TOX: variants seen among roughly 807,000 people sequenced by gnomAD.
TOX encodes the protein thymocyte selection-associated high mobility group box protein TOX.
TOX carries 11 observed loss-of-function variants against 53.7 expected under a neutral mutation model. That is an observed-to-expected ratio of 0.20 (90% CI 0.13 to 0.34). TOX has a LOEUF of 0.34. Among genes scored for constraint, TOX ranks in the 10% least tolerant of loss-of-function variants. TOX has a pLI of 1.00. For synonymous variants in TOX, 225 were observed against 245.3 expected, an observed-to-expected ratio of 0.92 and a Z score of 0.77; for missense variants, 570 against 664.6, an observed-to-expected ratio of 0.86 and a Z score of 1.56.
chr8:59,021,499 T>TATATACACAC lies in TOX; in HGVS notation c.103-61492_103-61491insGTGTGTATAT, dbSNP rs1554539851. Among the ~76,000 whole-genome samples the TATATACACAC allele has an allele frequency of 6.4e-5, 7 of 109,634 alleles. 2 individuals carry two copies. Among genetic ancestry groups the TATATACACAC allele is most frequent in the African/African-American group, 2.2e-4 (7 of 32,486 alleles). 71.9% of individuals were successfully genotyped at this position (109,634 alleles called of 152,430 possible). The stretch of plus-strand genomic sequence containing the variant: ...AAAAAAAAATATATATATATATATA[T>TATATACACAC]GCACATATATACAATGTCAGATATA... On this transcript the variant is annotated intron_variant, in intron 1 of 8. Transcript: ENST00000361421.
At chr8:58,959,803 C>T (rs1812771445) in intron 2 of TOX, 140 bp downstream of exon 2, 9 of 969,754 alleles carry the variant, frequency 9.3e-6, no homozygotes, top group African/African-American at 1.6e-5. Flanking sequence ...TAACTGGAAA[C>T]AAGGCTTAAA....
intron 1 of TOX, among the ~76,000 whole-genome samples, chr8:59,043,606 C>T (rs1803633800): frequency 6.6e-6 from 1 of 152,272 alleles, no homozygotes; most frequent in South Asian, 2.1e-4. Context: ...CAAACAATGG[C>T]AATACTCTCG....
chr8:58,988,494 C>A (rs981523684), intron 1 of TOX, among the ~76,000 whole-genome samples: 3 of 152,150 alleles, frequency 2.0e-5, no homozygotes, highest in African/African-American at 7.2e-5. Context: ...ATGATGCCAA[C>A]CCCTGAGCTA....
In TOX at chr8:58,815,481, G is replaced by A. The variant is rs762436152; in HGVS notation, c.1249C>T (p.Pro417Ser). The A allele has an allele frequency of 1.9e-6, 3 of 1,614,074 alleles. No individual in the cohort carries two copies. The highest frequency in any genetic ancestry group is 3.3e-5 in the Admixed American group (2 of 60,026). The change falls in exon 7 of 9, where the codon CCT (proline) becomes TCT (serine). Residue 417 changes from proline (P) to serine (S), a missense_variant. Physicochemically the swap from Pro to Ser is moderately conservative, Grantham distance 74. This residue lies in a region of TOX where 239 missense variants were observed against 250.7 expected (regional missense o/e 0.95). Coordinates refer to ENST00000361421, the MANE Select transcript of TOX (RefSeq NM_014729.3). ...GGGCTGATCTGGAGGGGAGGAGGAG[G>A]GGACACAGCCATGTTTGCTATAGAG... is the stretch of plus-strand genomic sequence containing the variant. ...TVSIANMAVSPPPPLQISPPL... is the reference protein window; with the variant it reads ...TVSIANMAVSSPPPLQISPPL...
chr8:58,856,693 T>G (rs1810922313), intron 3 of TOX, among the ~76,000 whole-genome samples: 1 of 151,812 alleles, frequency 6.6e-6, no homozygotes, highest in Non-Finnish European at 1.5e-5. Context: ...GTAAGCGGAA[T>G]CCTCGTGTGG....
intron 3 of TOX, among the ~76,000 whole-genome samples, chr8:58,925,824 C>A (rs1481304177): frequency 2.6e-5 from 4 of 152,162 alleles, no homozygotes; most frequent in Non-Finnish European, 5.9e-5. Context: ...AGAAACAGCC[C>A]TTTGTCGTAC....
intron 1 of TOX, among the ~76,000 whole-genome samples, chr8:59,088,662 T>C (rs1463600693): frequency 6.6e-6 from 1 of 152,154 alleles, no homozygotes; most frequent in Non-Finnish European, 1.5e-5. Flanking sequence ...TTTTAATGAC[T>C]AAAAAAATTG....
chr8:59,049,989 A>C (rs1052682332), intron 1 of TOX, among the ~76,000 whole-genome samples: 10 of 152,168 alleles, frequency 6.6e-5, no homozygotes, highest in African/African-American at 2.4e-4. Context: ...AATAAAAGCA[A>C]TAAAACATAT....
At chr8:59,094,450 C>T (rs1465647400) in intron 1 of TOX, among the ~76,000 whole-genome samples, 2 of 151,966 alleles carry the variant, frequency 1.3e-5, no homozygotes, top group African/African-American at 4.8e-5. Context: ...CCAGCCTGGC[C>T]AACGTAGTGA....
intron 1 of TOX, among the ~76,000 whole-genome samples, chr8:59,075,356 G>A (rs1257841956): frequency 2.0e-5 from 3 of 152,172 alleles, no homozygotes. Flanking sequence ...AGCAGGTCAT[G>A]AGACCCTCAC....
At chr8:59,057,368 CAA>C (rs1369619164) in intron 1 of TOX, among the ~76,000 whole-genome samples, 1 of 152,062 alleles carries the variant, frequency 6.6e-6, no homozygotes, top group Non-Finnish European at 1.5e-5. Flanking sequence ...CAAGCAGAGG[CAA>C]AGTGTCATAA....
chr8:58,928,502 G>A (rs1286860123), intron 3 of TOX, among the ~76,000 whole-genome samples: 1 of 149,920 alleles, frequency 6.7e-6, no homozygotes, highest in Non-Finnish European at 1.5e-5. Flanking sequence ...ACACATGAAT[G>A]CGTAGAGAGA....
chr8:58,900,207 C>G (rs1236112904), intron 3 of TOX, among the ~76,000 whole-genome samples: 1 of 151,914 alleles, frequency 6.6e-6, no homozygotes, highest in South Asian at 2.1e-4. Context: ...AAACAGTGGC[C>G]CAACATAACT....
chr8:59,026,901 G>GA (rs58806202), intron 1 of TOX, among the ~76,000 whole-genome samples: 6,464 of 136,060 alleles, frequency 0.048, 365 homozygotes, highest in African/African-American at 0.13. Context: ...AGAGAGAAAG[G>GA]AAAAAAAAAA....
At chr8:58,849,304 T>A (rs1407087749) in intron 4 of TOX, among the ~76,000 whole-genome samples, 1 of 152,134 alleles carries the variant, frequency 6.6e-6, no homozygotes, top group Non-Finnish European at 1.5e-5. Flanking sequence ...TTTTAATGGG[T>A]GCAGTCTTAG....
rs1035011641 is a variant in TOX at position 58,805,721 on chromosome 8, A to G, written c.*2026T>C. On this transcript the variant is annotated 3_prime_UTR_variant, in exon 9 of 9. Transcript: ENST00000361421. ...TGCTGGTATATTTCTAAAATACTAA[A>G]CAGACAAACAATAAACTGTGAACTT... 21 of 152,674 alleles carry G rather than the reference A, an allele frequency of 1.4e-4. No individual in the cohort carries two copies. Among genetic ancestry groups the G allele is most frequent in the African/African-American group, 4.6e-4 (19 of 41,462 alleles). 9.5% of individuals were successfully genotyped at this position (152,674 alleles called of 1,614,324 possible). A position where few individuals can be genotyped will look rare whatever the true frequency, so the allele number is the denominator to read the frequency against.
At chr8:58,977,208 C>T (rs1585937419) in intron 1 of TOX, among the ~76,000 whole-genome samples, 1 of 152,266 alleles carries the variant, frequency 6.6e-6, no homozygotes, top group Non-Finnish European at 1.5e-5. Context: ...TCTACGTCAG[C>T]ACTTGCTGTT....
At chr8:59,075,903 G>A (rs929510710) in intron 1 of TOX, among the ~76,000 whole-genome samples, 4 of 152,108 alleles carry the variant, frequency 2.6e-5, no homozygotes, top group Non-Finnish European at 5.9e-5. Flanking sequence ...TACTCAGAAG[G>A]CTGAGGCAGG....
At chr8:59,092,265 T>TATATATA (rs1804622120) in intron 1 of TOX, among the ~76,000 whole-genome samples, 1 of 89,930 alleles carries the variant, frequency 1.1e-5, no homozygotes, top group Non-Finnish European at 1.8e-5. Flanking sequence ...TATATATATT[T>TATATATA]TATATATATA....
Sources: allele counts gnomAD v4.1 joint callset (sites outside exome capture counted in the v4.1 genomes callset), GRCh38; gene constraint gnomAD v4.1.1; regional missense constraint gnomAD v4.1.1; transcripts MANE v1.5; gene names NCBI Gene and HGNC (gene_info 2026-07-23, HGNC 2026-07-21).